WDR27: variants seen among roughly 807,000 people sequenced by gnomAD.
WDR27 encodes WD repeat domain 27, also known as WD repeat-containing protein 27.
Under a neutral mutation model 114.4 loss-of-function variants are expected in WDR27, and 100 were observed. The observed-to-expected ratio is 0.87, with a 90% CI of 0.74 to 1.03. The LOEUF is 1.03. WDR27 is among the 50% of genes least tolerant of loss of function. WDR27 has a pLI of 0.00. For synonymous variants in WDR27, 449 were observed against 423.1 expected, an observed-to-expected ratio of 1.06 and a Z score of -0.75; for missense variants, 1,129 against 1,092.9, an observed-to-expected ratio of 1.03 and a Z score of -0.47.
intron 24 of WDR27, among the ~76,000 whole-genome samples, chr6:169,576,786 A>C (rs1358411465): frequency 6.6e-6 from 1 of 151,914 alleles, no homozygotes; most frequent in Admixed American, 6.6e-5. Flanking sequence ...AAAGACAAGA[A>C]AAGAAAAAAA....
intron 25 of WDR27, chr6:169,559,883 C>T (rs1390409279): frequency 1.3e-5 from 2 of 152,206 alleles, no homozygotes. Flanking sequence ...CCACTGTGTG[C>T]TTTTGTTCAG....
chr6:169,560,765 T>C (rs1052362367), intron 25 of WDR27, among the ~76,000 whole-genome samples: 16 of 152,304 alleles, frequency 1.1e-4, no homozygotes, highest in African/African-American at 3.9e-4. Context: ...AAATGTAAAC[T>C]ACACATTTTA....
intron 22 of WDR27, among the ~76,000 whole-genome samples, chr6:169,610,852 A>G (rs1340804449): frequency 1.3e-5 from 2 of 152,182 alleles, no homozygotes; most frequent in Non-Finnish European, 1.5e-5. Flanking sequence ...GTGAGTACAC[A>G]AAGGCATACA....
At chr6:169,543,339 A>C (rs1797059023) in intron 25 of WDR27, among the ~76,000 whole-genome samples, 1 of 152,132 alleles carries the variant, frequency 6.6e-6, no homozygotes. Context: ...TTAAAGCCAG[A>C]ATAATCCCAT....
intron 4 of WDR27, chr6:169,669,895 C>A (rs1399855671): frequency 6.6e-6 from 1 of 152,130 alleles, no homozygotes; most frequent in Non-Finnish European, 1.5e-5. Context: ...TGCCGAACAT[C>A]CTTCCTCGCC....
At chr6:169,452,015 T>C in the WDR27 span, among the ~76,000 whole-genome samples, 2 of 152,248 alleles carry the variant, frequency 1.3e-5, no homozygotes, top group Admixed American at 6.5e-5. Context: ...TTTTTCTCCA[T>C]TTATGGAGAC....
intron 25 of WDR27, among the ~76,000 whole-genome samples, chr6:169,463,911 C>T (rs995171690): frequency 3.3e-5 from 5 of 152,162 alleles, no homozygotes; most frequent in African/African-American, 1.2e-4. Context: ...TAAAACACTT[C>T]CCATGTTCAT....
Position 169,659,113 on chromosome 6 carries a change from A to C in WDR27, c.1292T>G (p.Met431Arg), listed in dbSNP as rs1584970683. 6.3e-7 allele frequency: 1 copy of C among 1,592,528 alleles called. No individual in the cohort carries two copies. Among genetic ancestry groups the C allele is most frequent in the Non-Finnish European group, 8.5e-7 (1 of 1,170,688 alleles). The change falls in exon 12 of 26, where the codon ATG becomes AGG. Residue 431 changes from methionine to arginine, a missense_variant. Met to Arg is a moderately conservative substitution (Grantham distance 91). Coordinates refer to ENST00000448612, the MANE Select transcript of WDR27 (RefSeq NM_182552.5). This position sits in a 1 kb window ranked among gnomAD's most constrained non-coding sequence, Gnocchi z 4.3. ...ALVRAQQCPS[M>R]GQSLSVPASS... The stretch of plus-strand genomic sequence containing the variant: ...GGCTGGCACCGAGAGGCTCTGCCCC[A>C]TGCTGGGGCACTGCTGAGCCCTGAC...
At chr6:169,456,182 G>A (rs1343971038), downstream of WDR27, among the ~76,000 whole-genome samples, 1 of 152,100 alleles carries the variant, frequency 6.6e-6, no homozygotes, top group African/African-American at 2.4e-5. This position sits in a 1 kb window ranked among gnomAD's most constrained non-coding sequence, Gnocchi z 4.0. Flanking sequence ...GTAACTCTAA[G>A]TATTGGAAAA....
intron 25 of WDR27, among the ~76,000 whole-genome samples, chr6:169,496,459 G>A (rs1790418759): frequency 6.6e-6 from 1 of 151,946 alleles, no homozygotes; most frequent in South Asian, 2.1e-4. Flanking sequence ...AATTAATTAA[G>A]CAAGAAAAAG....
intron 25 of WDR27, among the ~76,000 whole-genome samples, chr6:169,462,974 A>G (rs372695016): frequency 1.8e-4 from 28 of 152,358 alleles, no homozygotes; most frequent in East Asian, 5.8e-4. Context: ...TCAACACAAT[A>G]AAAGCTGTAT....
chr6:169,583,835 C>T (rs942169003), intron 23 of WDR27, among the ~76,000 whole-genome samples: 7 of 152,074 alleles, frequency 4.6e-5, no homozygotes, highest in African/African-American at 1.4e-4. Context: ...TCCATGCCTA[C>T]AGATATGAAG....
downstream of WDR27, among the ~76,000 whole-genome samples, chr6:169,454,344 G>T (rs753057983): frequency 6.6e-6 from 1 of 152,046 alleles, no homozygotes; most frequent in Non-Finnish European, 1.5e-5. Context: ...CTGTCAAACG[G>T]TGAGTTGGTG....
intron 16 of WDR27, among the ~76,000 whole-genome samples, chr6:169,645,023 T>TAAAAAAAAAAAAG (rs776362942): frequency 2.1e-5 from 1 of 46,982 alleles, no homozygotes; most frequent in Non-Finnish European, 3.9e-5. Flanking sequence ...AAAAAAAAAA[T>TAAAAAAAAAAAAG]AAAAAAAAAA....
At chr6:169,642,780 CTG>C (rs923924476) in intron 17 of WDR27, among the ~76,000 whole-genome samples, 1 of 152,216 alleles carries the variant, frequency 6.6e-6, no homozygotes, top group African/African-American at 2.4e-5. Flanking sequence ...CCCACTGTCT[CTG>C]TCCCCAACTC....
chr6:169,482,164 T>C lies in WDR27; in HGVS notation c.2646-24530A>G, dbSNP rs185253657. Among the ~76,000 whole-genome samples the C allele has an allele frequency of 3.9e-5, 6 of 152,380 alleles. No individual in the cohort carries two copies. In the East Asian group the frequency reaches 1.2e-3, roughly 29 times the overall value. On this transcript the variant is annotated intron_variant, in intron 25 of 25. Transcript: ENST00000448612. ...TATGGTTACATAGTATTCTATGGTG[T>C]ATATGTACCACATTTTCTTTACCCA... is the stretch of plus-strand genomic sequence containing the variant.
chr6:169,619,896 G>A (rs1812713675), intron 21 of WDR27, among the ~76,000 whole-genome samples: 1 of 152,196 alleles, frequency 6.6e-6, no homozygotes, highest in South Asian at 2.1e-4. Flanking sequence ...CATGACTAAT[G>A]TGACTGAACT....
At chr6:169,660,609 TA>T in intron 10 of WDR27, 53 bp downstream of exon 10, 2 of 1,458,266 alleles carry the variant, frequency 1.4e-6, no homozygotes, top group Non-Finnish European at 1.9e-6. Context: ...CTACCCCACA[TA>T]CCAGTCAAAG....
At chr6:169,501,170 AG>A (rs1452080023) in intron 25 of WDR27, among the ~76,000 whole-genome samples, 2 of 152,242 alleles carry the variant, frequency 1.3e-5, no homozygotes, top group African/African-American at 4.8e-5. Context: ...TTGATCCAGC[AG>A]GAGCTGAAAT....
Sources: allele counts gnomAD v4.1 joint callset (sites outside exome capture counted in the v4.1 genomes callset), GRCh38; gene constraint gnomAD v4.1.1; non-coding constraint Gnocchi (gnomAD v3.1); transcripts MANE v1.5; gene names NCBI Gene and HGNC (gene_info 2026-07-23, HGNC 2026-07-21).